Variants in BRI3 observed in about 807,000 individuals in gnomAD.
BRI3 encodes brain protein I3, also known as membrane protein BRI3.
Under a neutral mutation model 12.8 loss-of-function variants are expected in BRI3, and 6 were observed. That is an observed-to-expected ratio of 0.47 (90% CI 0.26 to 0.93). The LOEUF (loss-of-function observed/expected upper bound fraction) is 0.93. BRI3 is among the 40% of genes least tolerant of loss of function. The probability of loss-of-function intolerance (pLI) is 0.15; values close to 1 mark genes in which losing one functional copy is unlikely to be tolerated. For synonymous variants in BRI3, 91 were observed against 76.1 expected (o/e 1.20, Z -1.02); for missense variants, 134 against 171.1 (o/e 0.78, Z 1.21).
chr7:98,293,959 G>T, downstream of BRI3: 1 of 1,234,858 alleles, frequency 8.1e-7, no homozygotes, highest in Non-Finnish European at 1.2e-6. Flanking sequence ...GGCTCCACAG[G>T]CCGAGGCCTT....
At chr7:98,306,293 CTG>C, upstream of BRI3, 1 of 981,732 alleles carries the variant, frequency 1.0e-6, no homozygotes, top group African/African-American at 1.6e-5. Flanking sequence ...GCAGACAGCA[CTG>C]TGAGCCGCGG....
At position 98,282,536 on chromosome 7, in the gene BRI3, T is replaced by C. The variant is rs955373171; in HGVS notation, c.245+83T>C. On this transcript the variant is annotated intron_variant, in intron 2 of 2. Transcript: ENST00000297290. The stretch of plus-strand genomic sequence containing the variant: ...ACCCCCAGGACCTCACAGCTCTGCT[T>C]GTGGGAGTGGGTCCGGCTTGACTTG... 12 of 1,161,888 alleles carry C rather than the reference T, an allele frequency of 1.0e-5. No individual in the cohort carries two copies. In the Admixed American group the frequency reaches 2.3e-4, roughly 22 times the overall value. The allele number at this position is 1,161,888 out of a possible 1,614,324, so 72.0% of individuals were successfully genotyped here. A position where few individuals can be genotyped will look rare whatever the true frequency, so the allele number is the denominator to read the frequency against.
chr7:98,293,940 C>T, downstream of BRI3: 1 of 1,044,158 alleles, frequency 9.6e-7, no homozygotes, highest in Non-Finnish European at 1.4e-6. Flanking sequence ...GGGGGCTGCA[C>T]TCCCCCATGG....
At chr7:98,304,229 C>CTTT (rs1351374857), upstream of BRI3, 1 of 1,611,766 alleles carries the variant, frequency 6.2e-7, no homozygotes, top group East Asian at 2.2e-5. Flanking sequence ...ACGCTGGGGC[C>CTTT]TTAAAGGTGG....
chr7:98,300,651 T>G (rs547713069), intron 1 of BRI3, among the ~76,000 whole-genome samples: 3 of 151,824 alleles, frequency 2.0e-5, no homozygotes, highest in Non-Finnish European at 2.9e-5. Context: ...TCCCTCTACC[T>G]CCCCAGGAGG....
chr7:98,298,589 G>A (rs966768946), intron 1 of BRI3, among the ~76,000 whole-genome samples: 4 of 152,112 alleles, frequency 2.6e-5, no homozygotes, highest in African/African-American at 9.6e-5. Context: ...CTCCAGCCTG[G>A]GTGACAGAGC....
At chr7:98,282,028 C>T (rs1029812871) in intron 1 of BRI3, 91 bp downstream of exon 1, 18 of 1,305,386 alleles carry the variant, frequency 1.4e-5, no homozygotes, top group African/African-American at 4.7e-5. Context: ...GGGGCCCGCC[C>T]GGGGGTCCTT....
At chr7:98,315,014 C>T (rs946357701), downstream of BRI3, among the ~76,000 whole-genome samples, 1 of 152,200 alleles carries the variant, frequency 6.6e-6, no homozygotes, top group African/African-American at 2.4e-5. Flanking sequence ...TTTATATGTT[C>T]AAGTTGGCCA....
chr7:98,300,942 G>A (rs377205079), intron 1 of BRI3, among the ~76,000 whole-genome samples: 1 of 152,154 alleles, frequency 6.6e-6, no homozygotes, highest in South Asian at 2.1e-4. Context: ...CCCCTGATGC[G>A]TCCCAGGAAC....
At chr7:98,320,919 C>T in the BRI3 span, among the ~76,000 whole-genome samples, 3 of 152,244 alleles carry the variant, frequency 2.0e-5, no homozygotes, top group African/African-American at 4.8e-5. Flanking sequence ...TGCAGTGGCA[C>T]GACCTTGGCT....
chr7:98,281,718 C>CCCGCCG lies in BRI3; in HGVS notation c.-67_-62dup, dbSNP rs946292198. On this transcript the variant is annotated 5_prime_UTR_variant, in exon 1 of 3. Coordinates refer to ENST00000297290, the MANE Select transcript of BRI3 (RefSeq NM_015379.5). ...CCCGAGCCACCCGGTCCGCCGCGTC[C>CCCGCCG]CCGCCGCCGCCGCCGCGTCCCCCGC... The CCCGCCG allele has an allele frequency of 2.1e-5, 16 of 761,112 alleles. No homozygotes were observed. Among genetic ancestry groups the CCCGCCG allele is most frequent in the South Asian group, 5.9e-5 (1 of 16,986 alleles). The allele number at this position is 761,112 out of a possible 1,614,324, so 47.1% of individuals were successfully genotyped here.
chr7:98,317,310 G>T, the BRI3 span: 1 of 1,614,184 alleles, frequency 6.2e-7, no homozygotes, highest in East Asian at 2.2e-5. Flanking sequence ...TTTCTCCAAA[G>T]ACTCTAATTT....
rs55634296 is a variant in BRI3 at position 98,286,409 on chromosome 7, C to T, written c.245+3956C>T. On this transcript the variant is annotated intron_variant, in intron 2 of 2. Transcript: ENST00000297290. ...AGTGCTCTTGGAATTAGTCAGTTCC[C>T]TAATTTCGCCAGTGGCCATGGTCCC... 6.9e-3 allele frequency among the ~76,000 whole-genome samples: 1,052 copies of T among 152,314 alleles called. 11 individuals are homozygous for T. The highest frequency in any genetic ancestry group is 0.024 in the African/African-American group (1,004 of 41,566).
rs569496184 is a variant in BRI3, at chr7:98,308,358, G to A, written n.988G>A. 4 of 447,438 alleles carry A rather than the reference G, an allele frequency of 8.9e-6. No individual in the cohort carries two copies. The East Asian group carries it at 2.1e-4, about 23-fold the overall frequency. 27.7% of individuals were successfully genotyped at this position (447,438 alleles called of 1,614,324 possible). ...AAATGCAGTTGGTCTTGCCATGCTG[G>A]CCGCTCAGCTTCTCACCCCCAGGCC... On this transcript the variant is annotated non_coding_transcript_exon_variant, in exon 2 of 2. Transcript: ENST00000485422.
In BRI3 at chr7:98,282,459, T is replaced by C. The variant is rs1799558612; in HGVS notation, c.245+6T>C. On this transcript the variant is annotated splice_donor_region_variant and intron_variant, in intron 2 of 2. Transcript: ENST00000297290. ...GGAGGCTGTCCTGTCTGCAGGTGAG[T>C]GGGTCTGCAGCCTGGGGACTGGCCC... 4 of 1,610,282 alleles carry C rather than the reference T, an allele frequency of 2.5e-6. No individual in the cohort carries two copies. Among genetic ancestry groups the C allele is most frequent in the Non-Finnish European group, 3.4e-6 (4 of 1,176,916 alleles).
Position 98,281,930 on chromosome 7 carries a change from C to G in BRI3, c.135C>G (p.Leu45=). ...AAPPPPPYPY[L]VTGIPTHHPR... ...CCCCGCCGCCGCCCTACCCCTACCT[C>G]GTCACAGGTGGGCCCGTAACCAACT... Residue 45 remains leucine, a synonymous_variant, in exon 1 of 3, where the codon CTC becomes CTG. Transcript: ENST00000297290. The G allele has an allele frequency of 7.6e-7, 1 of 1,313,834 alleles. No individual in the cohort carries two copies. The highest frequency in any genetic ancestry group is 3.1e-5 in the East Asian group (1 of 32,084). 81.4% of individuals were successfully genotyped at this position (1,313,834 alleles called of 1,614,324 possible).
rs374997704 is a variant in BRI3, at chr7:98,282,010, A to T, written c.142+73A>T. ...GCCCGGTCGGGGGACGTGGGTCCGGAGGCGGGTGGGGCCCGCCCGGGGGTC... is the reference window on the plus strand; with the variant it reads ...GCCCGGTCGGGGGACGTGGGTCCGGTGGCGGGTGGGGCCCGCCCGGGGGTC... On this transcript the variant is annotated intron_variant, in intron 1 of 2. Transcript: ENST00000297290. 28 of 1,294,920 alleles carry T rather than the reference A, an allele frequency of 2.2e-5. No homozygotes were observed. The African/African-American group carries it at 4.2e-4, about 19-fold the overall frequency. 80.2% of individuals were successfully genotyped at this position (1,294,920 alleles called of 1,614,324 possible).
At chr7:98,317,797 T>C in the BRI3 span, among the ~76,000 whole-genome samples, 41 of 147,694 alleles carry the variant, frequency 2.8e-4, no homozygotes, top group African/African-American at 1.0e-3. Flanking sequence ...CCCTCGCTCA[T>C]TTCACACCAT....
At chr7:98,315,298 T>TA (rs1801031707), downstream of BRI3, among the ~76,000 whole-genome samples, 1 of 152,094 alleles carries the variant, frequency 6.6e-6, no homozygotes, top group African/African-American at 2.4e-5. Flanking sequence ...GTTTTTTTTT[T>TA]ATTATTTTTT....
Sources: allele counts gnomAD v4.1 joint callset (sites outside exome capture counted in the v4.1 genomes callset), GRCh38; gene constraint gnomAD v4.1.1; transcripts MANE v1.5; gene names NCBI Gene and HGNC (gene_info 2026-07-23, HGNC 2026-07-21).